Variants in MTAP observed in about 807,000 individuals in gnomAD.
MTAP encodes S-methyl-5'-thioadenosine phosphorylase.
A neutral mutation model predicts 33.6 loss-of-function variants in MTAP; 33 were observed. The ratio of observed to expected loss-of-function variants is 0.98; its 90% confidence interval spans 0.74 to 1.31. MTAP has a LOEUF of 1.31. MTAP is among the 40% of genes most tolerant of loss of function. The probability of loss-of-function intolerance (pLI) is 0.00; values close to 1 mark genes in which losing one functional copy is unlikely to be tolerated. For synonymous variants in MTAP, 148 were observed against 125.7 expected (o/e 1.18, Z -1.19); for missense variants, 367 against 360.0 (o/e 1.02, Z -0.16).
chr9:21,914,460 G>A (rs2118861188), intron 1 of MTAP, among the ~76,000 whole-genome samples: 1 of 152,238 alleles, frequency 6.6e-6, no homozygotes, highest in East Asian at 1.9e-4. Context: ...CATAAAAAAG[G>A]ATGAGTTCAT....
chr9:21,824,727 C>T (rs979600011), intron 4 of MTAP, among the ~76,000 whole-genome samples: 2 of 152,214 alleles, frequency 1.3e-5, no homozygotes, highest in Non-Finnish European at 2.9e-5. Context: ...GGCAGGCCTC[C>T]TTGAGCTGTG....
At chr9:21,923,758 T>C (rs985343998) in intron 1 of MTAP, among the ~76,000 whole-genome samples, 2 of 152,128 alleles carry the variant, frequency 1.3e-5, no homozygotes, top group African/African-American at 4.8e-5. Context: ...TTGCAGCAGT[T>C]GGCTGAAAAA....
At position 21,863,798 on chromosome 9, in the gene MTAP, C is replaced by T. The variant is rs988808615; in HGVS notation, c.*1784C>T. ...AAAGTCAATGTGTTTGTTTGTGTCT[C>T]TGAGATTGACTTCAAGATAATAAGC... On this transcript the variant is annotated 3_prime_UTR_variant, in exon 8 of 8. Coordinates refer to ENST00000644715, the MANE Select transcript of MTAP (RefSeq NM_002451.4). 6.1e-6 allele frequency: 6 copies of T among 985,804 alleles called. No homozygotes were observed. The highest frequency in any genetic ancestry group is 6.0e-6 in the Non-Finnish European group (5 of 829,926). 61.1% of individuals were successfully genotyped at this position (985,804 alleles called of 1,614,324 possible). A position where few individuals can be genotyped will look rare whatever the true frequency, so the allele number is the denominator to read the frequency against.
At chr9:21,889,531 G>C (rs551629978) in intron 1 of MTAP, among the ~76,000 whole-genome samples, 36 of 152,194 alleles carry the variant, frequency 2.4e-4, no homozygotes, top group Non-Finnish European at 7.4e-5. Flanking sequence ...CAGAGGAAAG[G>C]TCTGGGACTA....
At chr9:21,899,447 A>T (rs1818352691) in intron 1 of MTAP, among the ~76,000 whole-genome samples, 1 of 151,684 alleles carries the variant, frequency 6.6e-6, no homozygotes, top group Admixed American at 6.6e-5. Flanking sequence ...AAGGAAAGGA[A>T]AGGAAGGAAG....
chr9:21,818,261 G>T, intron 4 of MTAP, 59 bp downstream of exon 4: 1 of 1,544,528 alleles, frequency 6.5e-7, no homozygotes, highest in Non-Finnish European at 8.8e-7. Flanking sequence ...AGCTCAAATG[G>T]ACGACGCGTG....
intron 5 of MTAP, among the ~76,000 whole-genome samples, chr9:21,853,027 G>C (rs1189474184): frequency 1.3e-5 from 2 of 152,082 alleles, no homozygotes; most frequent in East Asian, 3.9e-4. Flanking sequence ...GATATTTTTT[G>C]CTGCCTTAAG....
chr9:21,916,093 A>AAGGG (rs1220687349), intron 1 of MTAP, among the ~76,000 whole-genome samples: 6 of 148,144 alleles, frequency 4.1e-5, no homozygotes, highest in Non-Finnish European at 4.5e-5. Flanking sequence ...GGAAGGAAGG[A>AAGGG]AGGAAGGAAG....
rs1485218663 is a variant in MTAP, at chr9:21,896,175, G to A, written c.148-34833G>A. 3.9e-5 allele frequency among the ~76,000 whole-genome samples: 6 copies of A among 152,156 alleles called. No homozygotes were observed. The East Asian group carries it at 9.6e-4, about 24-fold the overall frequency. On this transcript the variant is annotated intron_variant, in intron 1 of 1. Transcript: ENST00000577563. ...CCTGAATGACTATTGGGTCCATAAC[G>A]AAAGGAAGGCAGAAATAAAGATGTC...
At chr9:21,816,977 A>G (rs1267448799) in intron 3 of MTAP, among the ~76,000 whole-genome samples, 4 of 152,174 alleles carry the variant, frequency 2.6e-5, no homozygotes, top group Non-Finnish European at 5.9e-5. Flanking sequence ...TGCCCCTTAC[A>G]TTGGGAAAGT....
At chr9:21,817,010 G>T (rs1317620696) in intron 3 of MTAP, among the ~76,000 whole-genome samples, 1 of 152,164 alleles carries the variant, frequency 6.6e-6, no homozygotes, top group African/African-American at 2.4e-5. Flanking sequence ...TAAAATCAAA[G>T]CTCTGGTTTT....
chr9:21,869,588 A>C (rs746742998), downstream of MTAP, among the ~76,000 whole-genome samples: 4 of 151,806 alleles, frequency 2.6e-5, no homozygotes, highest in Non-Finnish European at 5.9e-5. Flanking sequence ...CTTCCCCTAC[A>C]CCTGCTTTCC....
intron 4 of MTAP, among the ~76,000 whole-genome samples, chr9:21,833,712 A>G (rs1825029599): frequency 6.6e-6 from 1 of 152,226 alleles, no homozygotes; most frequent in Non-Finnish European, 1.5e-5. Flanking sequence ...TACAGACCGT[A>G]TTCTGAAATG....
intron 1 of MTAP, among the ~76,000 whole-genome samples, chr9:21,891,008 G>A (rs1031650948): frequency 1.6e-4 from 24 of 152,128 alleles, no homozygotes; most frequent in Non-Finnish European, 2.9e-4. Context: ...GATAGTTGCC[G>A]TGAGACTTTG....
chr9:21,881,106 T>C (rs1818004141), intron 1 of MTAP, among the ~76,000 whole-genome samples: 1 of 151,950 alleles, frequency 6.6e-6, no homozygotes, highest in Admixed American at 6.6e-5. Context: ...ATAAATCCTT[T>C]TATATATAGT....
At chr9:21,843,088 G>A (rs1334048576) in intron 5 of MTAP, among the ~76,000 whole-genome samples, 1 of 152,052 alleles carries the variant, frequency 6.6e-6, no homozygotes, top group African/African-American at 2.4e-5. Context: ...CCATGCAAAT[G>A]GAAACCAAAA....
At chr9:21,807,405 C>A (rs763581946) in intron 1 of MTAP, among the ~76,000 whole-genome samples, 4 of 152,162 alleles carry the variant, frequency 2.6e-5, no homozygotes, top group Non-Finnish European at 4.4e-5. Flanking sequence ...CTGAGGACAA[C>A]CTGCAGGCCC....
chr9:21,876,637 A>G (rs542727782), intron 1 of MTAP, among the ~76,000 whole-genome samples: 7 of 152,200 alleles, frequency 4.6e-5, no homozygotes, highest in African/African-American at 7.2e-5. Context: ...TCTTTTCCCC[A>G]TTGCTTGTTT....
At chr9:21,932,156 G>A (rs1473447219), downstream of MTAP, 1 of 152,158 alleles carries the variant, frequency 6.6e-6, no homozygotes, top group Admixed American at 6.5e-5. Context: ...TTATAACAGT[G>A]AGAAAATTAT....
Sources: gnomAD v4.1 joint callset for allele counts (sites outside exome capture counted in the v4.1 genomes callset) on GRCh38, gnomAD v4.1.1 for gene constraint, MANE v1.5 for transcripts, NCBI Gene and HGNC (gene_info 2026-07-23, HGNC 2026-07-21) for gene names.